RNF6: variants seen among roughly 807,000 people sequenced by gnomAD.
The protein encoded by RNF6 is E3 ubiquitin-protein ligase RNF6.
Under a neutral mutation model 50.1 loss-of-function variants are expected in RNF6, and 21 were observed. The observed-to-expected ratio is 0.42, with a 90% CI of 0.30 to 0.60. The LOEUF is 0.60. Ranked by LOEUF, RNF6 falls within the 20% of genes least tolerant of loss-of-function variation. The pLI, the probability that RNF6 is intolerant of heterozygous loss-of-function variation, is 0.20. For synonymous variants in RNF6, 255 were observed against 291.8 expected, an observed-to-expected ratio of 0.87 and a Z score of 1.29; for missense variants, 698 against 838.2, an observed-to-expected ratio of 0.83 and a Z score of 2.07.
chr13:26,184,415 A>G (rs1220962481), intron 5 of RNF6, among the ~76,000 whole-genome samples: 1 of 151,858 alleles, frequency 6.6e-6, no homozygotes, highest in Admixed American at 6.5e-5. Flanking sequence ...TGAACTCTCA[A>G]GTGAAAAAGA....
At chr13:26,169,879 T>A (rs1872613853) in intron 5 of RNF6, among the ~76,000 whole-genome samples, 1 of 152,218 alleles carries the variant, frequency 6.6e-6, no homozygotes, top group South Asian at 2.1e-4. Context: ...AGTCCTTTGT[T>A]TCAGTGAAGC....
chr13:26,134,465 A>G (rs1656801), intron 5 of RNF6, among the ~76,000 whole-genome samples: 142,121 of 152,228 alleles, frequency 0.93, 66,417 homozygotes, highest in East Asian at 0.99. Flanking sequence ...GCTTTGGTTG[A>G]GGTTTTTGTT....
upstream of RNF6, chr13:26,222,446 GA>G (rs1199149461): frequency 1.3e-5 from 2 of 152,340 alleles, no homozygotes; most frequent in East Asian, 1.9e-4. Flanking sequence ...CGTAGTTGCA[GA>G]GACACGGTCT....
chr13:26,172,015 C>T (rs1264863219), intron 5 of RNF6, among the ~76,000 whole-genome samples: 1 of 152,146 alleles, frequency 6.6e-6, no homozygotes, highest in Admixed American at 6.5e-5. Context: ...TTGTGAATGA[C>T]ACTTAATGCC....
chr13:26,190,012 C>T (rs1868395382), intron 5 of RNF6, among the ~76,000 whole-genome samples: 1 of 152,156 alleles, frequency 6.6e-6, no homozygotes, highest in Non-Finnish European at 1.5e-5. Flanking sequence ...ATTAGAAATC[C>T]AACACAGGTC....
intron 5 of RNF6, among the ~76,000 whole-genome samples, chr13:26,138,702 C>T (rs1346898746): frequency 6.6e-6 from 1 of 151,996 alleles, no homozygotes; most frequent in African/African-American, 2.4e-5. Flanking sequence ...GATTAAGATG[C>T]TAATAGTAAT....
intron 4 of RNF6, 112 bp from the exon 5 acceptor site, chr13:26,215,704 A>G (rs1423026521): frequency 1.1e-6 from 1 of 905,374 alleles, no homozygotes; most frequent in Non-Finnish European, 1.6e-6. Context: ...ACATCTGTGG[A>G]TTTTAATGAA....
intron 5 of RNF6, among the ~76,000 whole-genome samples, chr13:26,204,897 C>G (rs1261946362): frequency 6.6e-6 from 1 of 152,202 alleles, no homozygotes; most frequent in African/African-American, 2.4e-5. Context: ...CTGCCGCTCT[C>G]TCTGATCTGA....
intron 2 of RNF6, among the ~76,000 whole-genome samples, chr13:26,220,055 C>T (rs1031963487): frequency 6.6e-6 from 1 of 152,196 alleles, no homozygotes; most frequent in African/African-American, 2.4e-5. Flanking sequence ...GAATTATGCA[C>T]ATTCTTCACT....
intron 5 of RNF6, among the ~76,000 whole-genome samples, chr13:26,172,049 A>G (rs1239242071): frequency 6.6e-6 from 1 of 152,244 alleles, no homozygotes; most frequent in Non-Finnish European, 1.5e-5. Context: ...TTTTAAAATG[A>G]TTAAAATGGG....
chr13:26,160,274 T>A (rs938630469), intron 5 of RNF6, among the ~76,000 whole-genome samples: 4 of 152,212 alleles, frequency 2.6e-5, no homozygotes, highest in African/African-American at 7.2e-5. Flanking sequence ...TACTATAATG[T>A]CAAACTTTTT....
rs576951306 is a variant in RNF6, at chr13:26,200,498, C to T, written n.768+14976G>A. Among the ~76,000 whole-genome samples, 341 of 151,954 alleles carry T rather than the reference C, an allele frequency of 2.2e-3. 1 individual carries two copies. The highest frequency in any genetic ancestry group is 8.1e-3 in the African/African-American group (334 of 41,422). On this transcript the variant is annotated intron_variant and non_coding_transcript_variant, in intron 5 of 5. Coordinates refer to the RNF6 transcript ENST00000468480. ...AATCTAGGCTCACTGCAACCTCCACCTCCCAGGTTCAAGCAATTCTCCTGC... is the reference window on the plus strand; with the variant it reads ...AATCTAGGCTCACTGCAACCTCCACTTCCCAGGTTCAAGCAATTCTCCTGC...
At chr13:26,194,870 C>T (rs556419228) in intron 5 of RNF6, among the ~76,000 whole-genome samples, 13 of 152,122 alleles carry the variant, frequency 8.5e-5, no homozygotes, top group African/African-American at 1.2e-4. Context: ...TATAGGCTAG[C>T]GGTGCTGGCA....
At chr13:26,164,264 T>G (rs940379463) in intron 5 of RNF6, among the ~76,000 whole-genome samples, 1 of 152,182 alleles carries the variant, frequency 6.6e-6, no homozygotes, top group Non-Finnish European at 1.5e-5. Flanking sequence ...GAAAACTGTC[T>G]TATTCTCTCA....
In RNF6 at chr13:26,173,127, A is replaced by G. The variant is rs141633853; in HGVS notation, n.769-40676T>C. Reference sequence around the variant, plus strand: ...ACGGTGAGGTAGAAACCGGCAGAGTACACATAAGAGTATAAACGGATACAA... The same window carrying G: ...ACGGTGAGGTAGAAACCGGCAGAGTGCACATAAGAGTATAAACGGATACAA... On this transcript the variant is annotated intron_variant and non_coding_transcript_variant, in intron 5 of 5. Transcript: ENST00000468480. 3.4e-3 allele frequency among the ~76,000 whole-genome samples: 511 copies of G among 152,376 alleles called. 2 individuals are homozygous for G. The highest frequency in any genetic ancestry group is 0.011 in the African/African-American group (465 of 41,586).
chr13:26,203,105 T>C (rs1454023331), intron 5 of RNF6, among the ~76,000 whole-genome samples: 6 of 152,358 alleles, frequency 3.9e-5, no homozygotes, highest in Admixed American at 3.9e-4. Context: ...ATTTGGGCCA[T>C]GAGCTGACAT....
chr13:26,215,189 T>C lies in RNF6; in HGVS notation c.693A>G (p.Thr231=), dbSNP rs372500565. 10 of 1,614,080 alleles carry C rather than the reference T, an allele frequency of 6.2e-6. No individual in the cohort carries two copies. In the African/African-American group the frequency reaches 1.2e-4, roughly 19 times the overall value. ...GQNPAEGSFS[T]LGRLRNGIGG... is the part of the protein sequence containing the mutation. The stretch of plus-strand genomic sequence containing the variant: ...CAATTCCATTTCTTAACCTTCCCAA[T>C]GTTGAGAAAGATCCTTCAGCTGGAT... Residue 231 remains threonine (T), a synonymous_variant, in exon 5 of 5, where the codon ACA becomes ACG. Coordinates refer to ENST00000381588, the MANE Select transcript of RNF6 (RefSeq NM_005977.4).
At chr13:26,155,103 C>A (rs1309973445) in intron 5 of RNF6, among the ~76,000 whole-genome samples, 19 of 151,690 alleles carry the variant, frequency 1.3e-4, no homozygotes, top group African/African-American at 4.6e-4. Flanking sequence ...CAAGAGACAT[C>A]AATTCTTCTC....
chr13:26,163,269 G>T (rs987961172), intron 5 of RNF6, among the ~76,000 whole-genome samples: 1 of 151,174 alleles, frequency 6.6e-6, no homozygotes, highest in African/African-American at 2.4e-5. Flanking sequence ...TCGAGATCGC[G>T]CCATTGCACT....
Sources: allele counts gnomAD v4.1 joint callset (sites outside exome capture counted in the v4.1 genomes callset), GRCh38; gene constraint gnomAD v4.1.1; transcripts MANE v1.5; gene names NCBI Gene and HGNC (gene_info 2026-07-23, HGNC 2026-07-21).